ASIC2: variants seen among roughly 807,000 people sequenced by gnomAD.
The protein encoded by ASIC2 is acid sensing ion channel subunit 2.
Under a neutral mutation model 57.3 loss-of-function variants are expected in ASIC2, and 25 were observed. That is an observed-to-expected ratio of 0.44 (90% confidence interval 0.32 to 0.61). ASIC2 has a LOEUF of 0.61. ASIC2 is among the 20% of genes least tolerant of loss of function. The probability of loss-of-function intolerance (pLI) is 0.06; values close to 1 mark genes in which losing one functional copy is unlikely to be tolerated. For synonymous variants in ASIC2, 319 were observed against 307.5 expected, an observed-to-expected ratio of 1.04 and a Z score of -0.39; for missense variants, 641 against 738.1, an observed-to-expected ratio of 0.87 and a Z score of 1.52.
intron 1 of ASIC2, among the ~76,000 whole-genome samples, chr17:34,035,090 C>T (rs370323459): frequency 2.4e-4 from 36 of 150,864 alleles, no homozygotes; most frequent in Middle Eastern, 3.4e-3. Context: ...GGAGGCATCA[C>T]GCTACCTGAC....
At chr17:33,334,290 T>C (rs1907429546) in intron 1 of ASIC2, among the ~76,000 whole-genome samples, 1 of 152,170 alleles carries the variant, frequency 6.6e-6, no homozygotes, top group Non-Finnish European at 1.5e-5. Context: ...ATAATGAAAC[T>C]GAGGCTCAGA....
chr17:34,032,963 A>G (rs1418769704), intron 1 of ASIC2, among the ~76,000 whole-genome samples: 1 of 152,238 alleles, frequency 6.6e-6, no homozygotes, highest in Non-Finnish European at 1.5e-5. Context: ...AACAAGACAG[A>G]AAGTTAACAA....
chr17:33,378,537 G>T (rs1204363396), intron 1 of ASIC2, among the ~76,000 whole-genome samples: 1 of 152,206 alleles, frequency 6.6e-6, no homozygotes, highest in Non-Finnish European at 1.5e-5. Flanking sequence ...TTCATGCTCT[G>T]CCCCTTGACA....
chr17:33,184,947 C>T (rs1339039396), intron 1 of ASIC2, among the ~76,000 whole-genome samples: 1 of 152,126 alleles, frequency 6.6e-6, no homozygotes, highest in Non-Finnish European at 1.5e-5. Flanking sequence ...CCTAAAACAT[C>T]CTCTATATAT....
chr17:33,626,763 C>T (rs1905997390), intron 1 of ASIC2, among the ~76,000 whole-genome samples: 1 of 152,162 alleles, frequency 6.6e-6, no homozygotes, highest in Non-Finnish European at 1.5e-5. Flanking sequence ...TGCTCTCACT[C>T]CCTCCTCAAC....
chr17:34,136,169 A>G (rs1022057861), intron 1 of ASIC2, among the ~76,000 whole-genome samples: 4 of 152,198 alleles, frequency 2.6e-5, no homozygotes, highest in Admixed American at 6.5e-5. Flanking sequence ...TAGCAATAAC[A>G]TACTAAACTC....
At chr17:33,153,598 AG>A (rs888225666) in intron 1 of ASIC2, among the ~76,000 whole-genome samples, 35 of 152,250 alleles carry the variant, frequency 2.3e-4, no homozygotes, top group African/African-American at 8.2e-4. Flanking sequence ...ACAGTTTTGC[AG>A]GGTTTATGCT....
intron 1 of ASIC2, among the ~76,000 whole-genome samples, chr17:33,540,897 G>A (rs906795150): frequency 1.3e-5 from 2 of 152,142 alleles, no homozygotes; most frequent in East Asian, 1.9e-4. Context: ...ATTTCACATC[G>A]TTGTTGCAAT....
rs995038964 is a variant in ASIC2, at chr17:33,329,932, C to T, written c.556-217865G>A. On this transcript the variant is annotated intron_variant, in intron 1 of 9. Transcript: ENST00000359872. The stretch of plus-strand genomic sequence containing the variant: ...GAACCTACTTGGGGCAAGAGGGGAA[C>T]GGGCTGTCCTCTCACCCCCTATGGT... 6.6e-5 allele frequency among the ~76,000 whole-genome samples: 10 copies of T among 152,122 alleles called. No homozygotes were observed. In the East Asian group the frequency reaches 7.7e-4, roughly 12 times the overall value.
intron 1 of ASIC2, among the ~76,000 whole-genome samples, chr17:33,742,618 G>A (rs933851460): frequency 6.6e-6 from 1 of 152,142 alleles, no homozygotes; most frequent in Admixed American, 6.5e-5. Flanking sequence ...GAACAATGCA[G>A]GAAAAAACTC....
At chr17:33,054,389 G>A (rs2091989788) in intron 3 of ASIC2, among the ~76,000 whole-genome samples, 1 of 152,146 alleles carries the variant, frequency 6.6e-6, no homozygotes, top group Admixed American at 6.5e-5. Context: ...TTTCCCCATA[G>A]GTAAAATTGG....
intron 1 of ASIC2, among the ~76,000 whole-genome samples, chr17:33,684,840 G>A (rs1460466588): frequency 6.6e-6 from 1 of 152,042 alleles, no homozygotes; most frequent in Non-Finnish European, 1.5e-5. Context: ...ATTGGTCCCA[G>A]TCAAGAGCAC....
At chr17:33,890,557 C>T (rs977026868) in intron 1 of ASIC2, among the ~76,000 whole-genome samples, 1 of 152,178 alleles carries the variant, frequency 6.6e-6, no homozygotes. Flanking sequence ...AGGACTTGTC[C>T]ACCTTCACCA....
At chr17:33,481,826 G>A (rs1037981378) in intron 1 of ASIC2, among the ~76,000 whole-genome samples, 11 of 152,044 alleles carry the variant, frequency 7.2e-5, no homozygotes, top group African/African-American at 1.9e-4. Flanking sequence ...CAGCCTTGTC[G>A]CCGCTCCATT....
At chr17:33,403,658 C>A (rs915785583) in intron 1 of ASIC2, among the ~76,000 whole-genome samples, 2 of 152,202 alleles carry the variant, frequency 1.3e-5, no homozygotes, top group African/African-American at 4.8e-5. Context: ...GTACTTAGTA[C>A]AAGAAACAAA....
chr17:33,320,250 T>A (rs978881303), intron 1 of ASIC2, among the ~76,000 whole-genome samples: 2 of 152,198 alleles, frequency 1.3e-5, no homozygotes, highest in African/African-American at 2.4e-5. Context: ...TTTGAGGTAT[T>A]TTTTTAAGGA....
intron 1 of ASIC2, among the ~76,000 whole-genome samples, chr17:33,527,530 A>G (rs1242656878): frequency 6.6e-6 from 1 of 152,158 alleles, no homozygotes; most frequent in Admixed American, 6.6e-5. Flanking sequence ...AATGACCAGG[A>G]GTGGGGTGTT....
At chr17:33,323,858 C>T (rs1906964661) in intron 1 of ASIC2, among the ~76,000 whole-genome samples, 1 of 151,786 alleles carries the variant, frequency 6.6e-6, no homozygotes, top group Non-Finnish European at 1.5e-5. Flanking sequence ...TTGTAGTTGG[C>T]AGTGGGAGTT....
intron 1 of ASIC2, among the ~76,000 whole-genome samples, chr17:33,436,849 A>ACTT (rs1211289464): frequency 0.12 from 9,292 of 75,714 alleles, 1,095 homozygotes; most frequent in Middle Eastern, 0.24. Context: ...ACACATTCCA[A>ACTT]CTTCTTTTTT....
Sources: gnomAD v4.1 joint callset for allele counts (sites outside exome capture counted in the v4.1 genomes callset) on GRCh38, gnomAD v4.1.1 for gene constraint, MANE v1.5 for transcripts, NCBI Gene and HGNC (gene_info 2026-07-23, HGNC 2026-07-21) for gene names.